MB: variants seen among roughly 807,000 people sequenced by gnomAD.
The protein encoded by MB is nitrite reductase MB.
A neutral mutation model predicts 14.5 loss-of-function variants in MB; 10 were observed. The observed-to-expected ratio is 0.69, with a 90% CI of 0.43 to 1.17. MB has a LOEUF of 1.17. MB is among the 50% of genes most tolerant of loss of function. The pLI, the probability that MB is intolerant of heterozygous loss-of-function variation, is 0.00. For synonymous variants in MB, 89 were observed against 78.6 expected (o/e 1.13, Z -0.70); for missense variants, 169 against 192.7 (o/e 0.88, Z 0.73).
At chr22:35,609,092 T>G (rs935191726) in intron 2 of MB, among the ~76,000 whole-genome samples, 3 of 152,170 alleles carry the variant, frequency 2.0e-5, no homozygotes, top group Admixed American at 1.3e-4. Flanking sequence ...GTTTTTTCTA[T>G]CCAACACTCG....
intron 1 of MB, chr22:35,622,692 GT>G (rs1439429412): frequency 6.6e-6 from 1 of 152,368 alleles, no homozygotes; most frequent in Non-Finnish European, 1.5e-5. Context: ...TAGTCAACAG[GT>G]GTGGCCTGGG....
chr22:35,618,378 G>A (rs1406185543), upstream of MB, among the ~76,000 whole-genome samples: 1 of 152,120 alleles, frequency 6.6e-6, no homozygotes, highest in Non-Finnish European at 1.5e-5. Flanking sequence ...TGAGTAAATG[G>A]GTGGATGGTT....
intron 2 of MB, among the ~76,000 whole-genome samples, chr22:35,610,182 G>T (rs1422881008): frequency 6.6e-6 from 1 of 151,980 alleles, no homozygotes; most frequent in African/African-American, 2.4e-5. Flanking sequence ...TCCCCAAATC[G>T]CCTCCTCCCA....
chr22:35,607,388 C>T lies in MB; in HGVS notation c.374G>A (p.Gly125Asp). Reference sequence around the variant, plus strand: ...GTTCATGGCCCCCTGGGCATCAGCACCAAAGTCCCCGGGATGCTTGCTCTG... The same window carrying T: ...GTTCATGGCCCCCTGGGCATCAGCATCAAAGTCCCCGGGATGCTTGCTCTG... Reference protein sequence around the residue: ...VLQSKHPGDFGADAQGAMNKA... With the variant: ...VLQSKHPGDFDADAQGAMNKA... The change falls in exon 3 of 3, where the codon GGT (glycine) becomes GAT (aspartate). Residue 125 changes from glycine (G) to aspartate (D), a missense_variant. Physicochemically the swap from Gly to Asp is moderately conservative, Grantham distance 94. Transcript: ENST00000397326. The T allele has an allele frequency of 1.2e-6, 2 of 1,614,154 alleles. No homozygotes were observed. The highest frequency in any genetic ancestry group is 1.7e-6 in the Non-Finnish European group (2 of 1,180,012).
intron 1 of MB, among the ~76,000 whole-genome samples, chr22:35,614,358 C>G (rs567240279): frequency 3.3e-5 from 5 of 152,158 alleles, no homozygotes; most frequent in African/African-American, 9.6e-5. Flanking sequence ...GAGGCCAAGG[C>G]GGGCAGATCA....
At chr22:35,607,475 C>T (rs1271239680) in intron 2 of MB, 32 bp from the exon 3 acceptor site, 3 of 1,607,384 alleles carry the variant, frequency 1.9e-6, no homozygotes, top group South Asian at 1.1e-5. Context: ...AAAATGGTCA[C>T]CAGGGTGGGA....
At chr22:35,610,544 C>T (rs886613730) in intron 2 of MB, among the ~76,000 whole-genome samples, 7 of 152,160 alleles carry the variant, frequency 4.6e-5, no homozygotes, top group Non-Finnish European at 1.5e-5. Flanking sequence ...CCTCTGTGAG[C>T]CTCAGTTTCC....
intron 2 of MB, 91 bp from the exon 3 acceptor site, chr22:35,607,534 T>C: frequency 1.5e-6 from 2 of 1,319,038 alleles, no homozygotes; most frequent in South Asian, 2.7e-5. Context: ...CTTCTCTTTA[T>C]TCCAGGACCG....
chr22:35,616,374 C>G (rs534812092), intron 1 of MB, among the ~76,000 whole-genome samples: 9 of 152,278 alleles, frequency 5.9e-5, no homozygotes, highest in Non-Finnish European at 1.0e-4. Context: ...TGGTAGAAGG[C>G]AGGATATACT....
At chr22:35,614,133 C>T (rs1163871039) in intron 1 of MB, among the ~76,000 whole-genome samples, 4 of 152,216 alleles carry the variant, frequency 2.6e-5, no homozygotes, top group Non-Finnish European at 4.4e-5. Flanking sequence ...CATTTTCCTG[C>T]TGTTCTCTGA....
chr22:35,615,941 C>T (rs1364292425), intron 1 of MB, among the ~76,000 whole-genome samples: 4 of 152,164 alleles, frequency 2.6e-5, no homozygotes, highest in South Asian at 2.1e-4. Context: ...CACGGATCAC[C>T]AACGGCTCAA....
rs556069062 is a variant in MB at position 35,613,737 on chromosome 22, G to C, written c.96-2631C>G. On this transcript the variant is annotated intron_variant, in intron 1 of 2. Coordinates refer to ENST00000397326, the MANE Select transcript of MB (RefSeq NM_005368.3). ...TGGTCTCGAACTCCTGGACTCAAGC[G>C]ATTCCCCGATCCTGCCTCCCAAAGT... is the stretch of plus-strand genomic sequence containing the variant. Among the ~76,000 whole-genome samples, 14 of 152,190 alleles carry C rather than the reference G, an allele frequency of 9.2e-5. No homozygotes were observed. The South Asian group carries it at 2.9e-3, about 32-fold the overall frequency.
upstream of MB, among the ~76,000 whole-genome samples, chr22:35,617,823 G>A (rs1000485972): frequency 8.5e-5 from 13 of 152,186 alleles, no homozygotes; most frequent in African/African-American, 3.1e-4. Context: ...GAACCGGATG[G>A]TTTTGTGCTT....
At chr22:35,612,989 G>A (rs1922758058) in intron 1 of MB, among the ~76,000 whole-genome samples, 1 of 152,082 alleles carries the variant, frequency 6.6e-6, no homozygotes. Flanking sequence ...CCCCATGTTG[G>A]GCATGGTCTG....
At chr22:35,615,734 C>T (rs1313976668) in intron 1 of MB, 1 of 152,220 alleles carries the variant, frequency 6.6e-6, no homozygotes, top group Non-Finnish European at 1.5e-5. Flanking sequence ...AGAGACTTGT[C>T]CAAGGTCACA....
Position 35,607,171 on chromosome 22 carries a change from C to A in MB, c.*126G>T. 4 of 1,163,910 alleles carry A rather than the reference C, an allele frequency of 3.4e-6. No individual in the cohort carries two copies. Among genetic ancestry groups the A allele is most frequent in the South Asian group, 1.7e-5 (1 of 58,426 alleles). The allele number at this position is 1,163,910 out of a possible 1,614,324, so 72.1% of individuals were successfully genotyped here. A position where few individuals can be genotyped will look rare whatever the true frequency, so the allele number is the denominator to read the frequency against. ...ACACCCCAGCCCCAGCCCCTCAGCT[C>A]CTCCTGCCCACCTCTACTAAACAAA... On this transcript the variant is annotated 3_prime_UTR_variant, in exon 3 of 3. Transcript: ENST00000397326.
chr22:35,611,088 T>C lies in MB; in HGVS notation c.114A>G (p.Pro38=), dbSNP rs1601842521. Residue 38 remains proline, a synonymous_variant, in exon 2 of 3, where the codon CCA becomes CCG. Transcript: ENST00000397326. ...EVLIRLFKGH[P]ETLEKFDKFK... is the part of the protein sequence containing the mutation. ...ACTTGTCAAACTTCTCCAGAGTCTC[T>C]GGGTGACCCTTAAAGAGCCTGTGGG... is the stretch of plus-strand genomic sequence containing the variant. The C allele has an allele frequency of 1.2e-6, 2 of 1,614,024 alleles. No individual in the cohort carries two copies. Among genetic ancestry groups the C allele is most frequent in the Non-Finnish European group, 1.7e-6 (2 of 1,179,980 alleles).
upstream of MB, chr22:35,617,633 C>A (rs1201052841): frequency 4.9e-6 from 1 of 204,614 alleles, no homozygotes; most frequent in Non-Finnish European, 9.8e-6. Context: ...GAAGCCGACG[C>A]CAGCAGCCTG....
chr22:35,621,373 A>C (rs1344029544), upstream of MB, among the ~76,000 whole-genome samples: 1 of 152,170 alleles, frequency 6.6e-6, no homozygotes, highest in Non-Finnish European at 1.5e-5. Flanking sequence ...CAAGGCTCCC[A>C]ATTCTGGAAT....
Sources: allele counts gnomAD v4.1 joint callset (sites outside exome capture counted in the v4.1 genomes callset), GRCh38; gene constraint gnomAD v4.1.1; transcripts MANE v1.5; gene names NCBI Gene and HGNC (gene_info 2026-07-23, HGNC 2026-07-21).